The following CCDC3 variants were observed in gnomAD, a reference collection of about 807,000 sequenced individuals.
CCDC3 encodes the protein coiled-coil domain containing 3.
Under a neutral mutation model 21.4 loss-of-function variants are expected in CCDC3, and 24 were observed. The observed-to-expected ratio is 1.12, with a 90% CI of 0.81 to 1.58. CCDC3 has a LOEUF of 1.58. Ranked by LOEUF, CCDC3 falls within the 40% of genes most tolerant of loss-of-function variation. The pLI is 0.00. For synonymous variants in CCDC3, 186 were observed against 166.0 expected, an observed-to-expected ratio of 1.12 and a Z score of -0.93; for missense variants, 425 against 360.9, an observed-to-expected ratio of 1.18 and a Z score of -1.44.
chr10:12,908,211 G>C (rs1350825257), intron 2 of CCDC3, among the ~76,000 whole-genome samples: 1 of 152,210 alleles, frequency 6.6e-6, no homozygotes. Context: ...AGATGTTTAC[G>C]TGGGGACCAA....
chr10:12,996,163 G>C (rs940759285), intron 2 of CCDC3, among the ~76,000 whole-genome samples: 1 of 152,160 alleles, frequency 6.6e-6, no homozygotes, highest in Non-Finnish European at 1.5e-5. Context: ...ACTCAATATG[G>C]AGTAGGCAAC....
At chr10:12,993,051 C>A (rs1835703688) in intron 2 of CCDC3, among the ~76,000 whole-genome samples, 1 of 152,216 alleles carries the variant, frequency 6.6e-6, no homozygotes, top group African/African-American at 2.4e-5. Flanking sequence ...CCATCTCCAG[C>A]ACAAACCCCT....
At chr10:13,051,234 T>TG (rs34965783) in intron 4 of CCDC3, among the ~76,000 whole-genome samples, 16,893 of 152,142 alleles carry the variant, frequency 0.11, 1,155 homozygotes, top group Admixed American at 0.16. Context: ...TGCAAATTAG[T>TG]GGGGAGGAAG....
At chr10:12,942,827 G>A (rs78388927) in intron 2 of CCDC3, among the ~76,000 whole-genome samples, 7,054 of 152,238 alleles carry the variant, frequency 0.046, 206 homozygotes, top group Non-Finnish European at 0.07. Flanking sequence ...CCAAAGGAGA[G>A]AGAGCTTTTC....
chr10:13,048,019 G>A (rs529665514), intron 5 of CCDC3, among the ~76,000 whole-genome samples: 2 of 152,136 alleles, frequency 1.3e-5, no homozygotes, highest in Non-Finnish European at 2.9e-5. Flanking sequence ...GGAGCAAGTA[G>A]GGGAATAGTC....
At chr10:13,055,274 T>C (rs190498227) in intron 4 of CCDC3, among the ~76,000 whole-genome samples, 31 of 152,094 alleles carry the variant, frequency 2.0e-4, no homozygotes, top group African/African-American at 7.5e-4. Context: ...AGCTGCATTC[T>C]GTTAGCAAAA....
chr10:13,099,924 C>T (rs1426051788), upstream of CCDC3: 1 of 151,924 alleles, frequency 6.6e-6, no homozygotes. Flanking sequence ...CCTGTTCACC[C>T]GGGTCCCAGC....
chr10:12,902,075 A>G (rs1034337995), intron 2 of CCDC3, among the ~76,000 whole-genome samples: 1 of 152,192 alleles, frequency 6.6e-6, no homozygotes, highest in Admixed American at 6.5e-5. Flanking sequence ...ACCTGGTGGC[A>G]CTAGGAGAAT....
chr10:13,067,126 A>AC (rs1836829176), intron 4 of CCDC3, among the ~76,000 whole-genome samples: 1 of 151,794 alleles, frequency 6.6e-6, no homozygotes, highest in African/African-American at 2.4e-5. Flanking sequence ...GAAACTGCAC[A>AC]CCCCCTCACC....
intron 2 of CCDC3, among the ~76,000 whole-genome samples, chr10:12,981,949 C>T (rs80343960): frequency 9.9e-5 from 15 of 151,470 alleles, no homozygotes; most frequent in African/African-American, 3.6e-4. Flanking sequence ...ATGGTGAAAC[C>T]CTGTCTTTAC....
At chr10:12,929,251 G>C (rs1217598860) in intron 2 of CCDC3, among the ~76,000 whole-genome samples, 1 of 116,276 alleles carries the variant, frequency 8.6e-6, no homozygotes, top group Non-Finnish European at 1.7e-5. Context: ...GACAAAGTGA[G>C]ATTCCATCTC....
intron 3 of CCDC3, among the ~76,000 whole-genome samples, chr10:13,077,140 C>G (rs1836974724): frequency 6.6e-6 from 1 of 152,186 alleles, no homozygotes; most frequent in South Asian, 2.1e-4. Context: ...TCTCCTTAAG[C>G]TGATAAGCAA....
chr10:13,045,030 T>C (rs1274530221), intron 5 of CCDC3, among the ~76,000 whole-genome samples: 1 of 152,186 alleles, frequency 6.6e-6, no homozygotes, highest in Non-Finnish European at 1.5e-5. Flanking sequence ...CAATTTCATA[T>C]CAAACATAAT....
At chr10:13,090,324 G>A (rs978626137) in intron 3 of CCDC3, among the ~76,000 whole-genome samples, 8 of 151,898 alleles carry the variant, frequency 5.3e-5, no homozygotes, top group Admixed American at 3.9e-4. Flanking sequence ...TCCTGACCTC[G>A]TTATCCACCT....
chr10:12,913,411 T>C (rs746145425), intron 2 of CCDC3, among the ~76,000 whole-genome samples: 3 of 152,238 alleles, frequency 2.0e-5, no homozygotes, highest in Non-Finnish European at 4.4e-5. Context: ...GAAATACTAC[T>C]GATTTTTGTG....
intron 2 of CCDC3, among the ~76,000 whole-genome samples, chr10:12,977,713 G>A (rs1835437339): frequency 1.3e-5 from 2 of 152,116 alleles, no homozygotes; most frequent in Admixed American, 1.3e-4. Flanking sequence ...TCAAACCATA[G>A]GAAAGATTTA....
intron 2 of CCDC3, among the ~76,000 whole-genome samples, chr10:12,911,316 A>G (rs921015179): frequency 3.3e-5 from 5 of 152,226 alleles, no homozygotes; most frequent in Non-Finnish European, 7.3e-5. Context: ...TTTTACTGCC[A>G]TAGCCCTAGT....
At chr10:13,038,467 A>T (rs627155) in intron 5 of CCDC3, among the ~76,000 whole-genome samples, 118,084 of 151,994 alleles carry the variant, frequency 0.78, 47,604 homozygotes, top group Non-Finnish European at 0.88. Flanking sequence ...TGTAGCTCTG[A>T]TGGGAAAGAA....
At chr10:12,982,247 G>C (rs1358560793) in intron 2 of CCDC3, among the ~76,000 whole-genome samples, 2 of 148,562 alleles carry the variant, frequency 1.3e-5, no homozygotes, top group African/African-American at 5.0e-5. Context: ...GCCAGTCATA[G>C]AAAGACACAT....
Sources: allele counts gnomAD v4.1 joint callset (sites outside exome capture counted in the v4.1 genomes callset), GRCh38; gene constraint gnomAD v4.1.1; transcripts MANE v1.5; gene names NCBI Gene and HGNC (gene_info 2026-07-23, HGNC 2026-07-21).